The following PHACTR4 variants were observed in gnomAD, a reference collection of about 807,000 sequenced individuals.
PHACTR4 encodes phosphatase and actin regulator 4, also known as protein phosphatase 1, regulatory subunit 124.
A neutral mutation model predicts 72.7 loss-of-function variants in PHACTR4; 51 were observed. The observed-to-expected ratio is 0.70, with a 90% CI of 0.56 to 0.89. The LOEUF (loss-of-function observed/expected upper bound fraction) is 0.89, where lower values mean the gene tolerates loss of function less well. Among genes scored for constraint, PHACTR4 ranks in the 40% least tolerant of loss-of-function variants. PHACTR4 has a pLI of 0.00. For synonymous variants in PHACTR4, 255 were observed against 302.5 expected, an observed-to-expected ratio of 0.84 and a Z score of 1.63; for missense variants, 731 against 861.8, an observed-to-expected ratio of 0.85 and a Z score of 1.90.
In PHACTR4 at chr1:28,459,218, GAA is replaced by G. The variant is rs761437290; in HGVS notation, c.159_160del (p.Ser54Ter). On this transcript the variant is annotated frameshift_variant, in exon 3 of 14. Transcript: ENST00000373839. LOFTEE classifies it high-confidence loss of function. ...GKIFKPWKWR[K>X]KKSSDKFKET... ...AGATCTTCAAGCCCTGGAAATGGAGGAAAAAAAAAAGTAGTGATAAATTTAAA... is the reference window on the plus strand; with the variant it reads ...AGATCTTCAAGCCCTGGAAATGGAGGAAAAAAAAGTAGTGATAAATTTAAA... The G allele has an allele frequency of 1.3e-6, 2 of 1,499,874 alleles. No homozygotes were observed. Among genetic ancestry groups the G allele is most frequent in the African/African-American group, 1.4e-5 (1 of 70,228 alleles). The allele number at this position is 1,499,874 out of a possible 1,614,324, so 92.9% of individuals were successfully genotyped here.
chr1:28,434,522 A>C (rs112606952), intron 2 of PHACTR4, among the ~76,000 whole-genome samples: 1 of 151,752 alleles, frequency 6.6e-6, no homozygotes, highest in Non-Finnish European at 1.5e-5. Flanking sequence ...GGATTTCACC[A>C]TGTTGGCCAA....
chr1:28,435,728 C>CATG (rs1300801037), intron 2 of PHACTR4, among the ~76,000 whole-genome samples: 2 of 152,114 alleles, frequency 1.3e-5, no homozygotes, highest in Non-Finnish European at 2.9e-5. Context: ...GTGTTAGTTC[C>CATG]ATGATGATGA....
intron 1 of PHACTR4, among the ~76,000 whole-genome samples, chr1:28,391,918 A>G (rs1362698693): frequency 2.6e-5 from 4 of 152,044 alleles, no homozygotes; most frequent in Non-Finnish European, 5.9e-5. Context: ...CTAAAAATAT[A>G]TTCTGTACCT....
intron 1 of PHACTR4, among the ~76,000 whole-genome samples, chr1:28,386,855 C>A (rs1652595122): frequency 2.6e-5 from 4 of 152,142 alleles, no homozygotes; most frequent in Admixed American, 2.6e-4. Flanking sequence ...CTTTCTTACA[C>A]TAGTGTTGAT....
At chr1:28,464,270 A>G (rs1436417273) in intron 4 of PHACTR4, among the ~76,000 whole-genome samples, 5 of 152,098 alleles carry the variant, frequency 3.3e-5, no homozygotes, top group Admixed American at 2.6e-4. Flanking sequence ...CCGGCCCCCC[A>G]TAACCATTTC....
At chr1:28,382,988 T>C (rs1351958621) in intron 1 of PHACTR4, among the ~76,000 whole-genome samples, 1 of 152,108 alleles carries the variant, frequency 6.6e-6, no homozygotes, top group Admixed American at 6.6e-5. Flanking sequence ...AGACAGGGTT[T>C]CACCATGTTG....
intron 2 of PHACTR4, among the ~76,000 whole-genome samples, chr1:28,424,314 C>G (rs1655696140): frequency 6.6e-6 from 1 of 152,060 alleles, no homozygotes; most frequent in South Asian, 2.1e-4. Flanking sequence ...GCCTCAGCCT[C>G]CTGTGTAGCT....
intron 1 of PHACTR4, among the ~76,000 whole-genome samples, chr1:28,404,528 C>T (rs1444716036): frequency 2.6e-5 from 4 of 151,870 alleles, no homozygotes; most frequent in Non-Finnish European, 5.9e-5. Context: ...GGTGATCTGC[C>T]CGCCTCAGCC....
At chr1:28,435,015 A>G (rs1350112885) in intron 2 of PHACTR4, among the ~76,000 whole-genome samples, 1 of 152,092 alleles carries the variant, frequency 6.6e-6, no homozygotes, top group Non-Finnish European at 1.5e-5. Flanking sequence ...CCCAGTTTGA[A>G]CTTACCCAAA....
At chr1:28,491,883 A>G (rs967779584) in intron 12 of PHACTR4, 96 bp downstream of exon 12, 1 of 1,373,490 alleles carries the variant, frequency 7.3e-7, no homozygotes, top group East Asian at 2.5e-5. Context: ...ACCATAAACA[A>G]AACTTCTAGT....
At chr1:28,379,691 G>T (rs945675351) in intron 1 of PHACTR4, among the ~76,000 whole-genome samples, 2 of 151,050 alleles carry the variant, frequency 1.3e-5, no homozygotes, top group African/African-American at 4.9e-5. Flanking sequence ...CCGGGTTCAC[G>T]CCATTCTCCT....
chr1:28,487,724 G>GTTTTTTTTT (rs1054105118), intron 9 of PHACTR4, among the ~76,000 whole-genome samples: 18 of 71,470 alleles, frequency 2.5e-4, no homozygotes, highest in Middle Eastern at 7.1e-3. Context: ...GTAGTTTTTT[G>GTTTTTTTTT]TTGTTTTTTT....
intron 13 of PHACTR4, among the ~76,000 whole-genome samples, chr1:28,495,626 TTA>T (rs1490555347): frequency 1.6e-4 from 22 of 139,160 alleles, no homozygotes; most frequent in African/African-American, 5.5e-4. Context: ...TTTTTTTTTT[TTA>T]TTTTTTGAGA....
At chr1:28,437,667 G>A (rs760262834) in intron 2 of PHACTR4, among the ~76,000 whole-genome samples, 19 of 152,190 alleles carry the variant, frequency 1.2e-4, no homozygotes, top group Non-Finnish European at 2.4e-4. Context: ...TGGAAAAAGA[G>A]AACTCTCTGG....
chr1:28,487,812 C>T (rs548042716), intron 9 of PHACTR4, among the ~76,000 whole-genome samples: 1 of 136,934 alleles, frequency 7.3e-6, no homozygotes, highest in East Asian at 2.3e-4. Flanking sequence ...CTTCAGCTCA[C>T]TGCAACCTCC....
intron 2 of PHACTR4, among the ~76,000 whole-genome samples, chr1:28,422,941 T>C (rs1037235899): frequency 6.6e-6 from 1 of 152,142 alleles, no homozygotes; most frequent in African/African-American, 2.4e-5. Flanking sequence ...CGCATGCCAC[T>C]GCGCCCAGCT....
intron 2 of PHACTR4, among the ~76,000 whole-genome samples, chr1:28,416,316 T>A (rs1655103559): frequency 6.6e-6 from 1 of 152,126 alleles, no homozygotes; most frequent in African/African-American, 2.4e-5. Flanking sequence ...GGTATAAAGG[T>A]CAACATGTTT....
Position 28,497,247 on chromosome 1 carries a change from C to T in PHACTR4, c.*698C>T, listed in dbSNP as rs1661410452. The T allele has an allele frequency of 6.6e-6, 1 of 151,972 alleles. No individual in the cohort carries two copies. The highest frequency in any genetic ancestry group is 1.5e-5 in the Non-Finnish European group (1 of 68,014). 9.4% of individuals were successfully genotyped at this position (151,972 alleles called of 1,614,324 possible). ...GAACTTAGTTTTTCCTGAACTCCAA[C>T]CAGAATCCAAATTGGTTAGATGAGG... On this transcript the variant is annotated 3_prime_UTR_variant, in exon 14 of 14. Coordinates refer to ENST00000373839, the MANE Select transcript of PHACTR4 (RefSeq NM_001048183.3).
intron 2 of PHACTR4, among the ~76,000 whole-genome samples, chr1:28,428,991 T>C (rs982725212): frequency 1.2e-4 from 18 of 152,218 alleles, no homozygotes; most frequent in African/African-American, 3.9e-4. Flanking sequence ...CTTTTTTCCA[T>C]TGGTAAGCCA....
Sources: gnomAD v4.1 joint callset for allele counts (sites outside exome capture counted in the v4.1 genomes callset) on GRCh38, gnomAD v4.1.1 for gene constraint, MANE v1.5 for transcripts, NCBI Gene and HGNC (gene_info 2026-07-23, HGNC 2026-07-21) for gene names.